The following CLGN variants were observed in gnomAD, a reference collection of about 807,000 sequenced individuals.
CLGN encodes calmegin.
In CLGN, 62 loss-of-function variants were observed where a neutral mutation model predicts 79.1. The observed-to-expected ratio is 0.78, with a 90% CI of 0.64 to 0.97. CLGN has a LOEUF of 0.97. Among genes scored for constraint, CLGN ranks in the 50% least tolerant of loss-of-function variants. The pLI is 0.00. For missense variants in CLGN, 647 were observed against 715.5 expected, an observed-to-expected ratio of 0.90 and a Z score of 1.09; for synonymous variants, 225 against 224.7, an observed-to-expected ratio of 1.00 and a Z score of -0.01.
intron 7 of CLGN, among the ~76,000 whole-genome samples, chr4:140,399,294 A>G (rs979223587): frequency 2.0e-5 from 3 of 152,204 alleles, no homozygotes; most frequent in African/African-American, 4.8e-5. Context: ...ATAATACCAA[A>G]TAGCTCTGTT....
intron 1 of CLGN, among the ~76,000 whole-genome samples, chr4:140,419,732 C>G (rs897247952): frequency 4.6e-5 from 7 of 151,996 alleles, no homozygotes; most frequent in African/African-American, 1.4e-4. Context: ...TATTTATGGA[C>G]AAAGACAAAA....
chr4:140,422,940 T>C (rs1391728900), intron 1 of CLGN, among the ~76,000 whole-genome samples: 1 of 152,222 alleles, frequency 6.6e-6, no homozygotes, highest in Admixed American at 6.5e-5. Flanking sequence ...TCTAACAGAC[T>C]TTTGTATTGT....
chr4:140,391,248 G>C (rs1728765901), intron 13 of CLGN, among the ~76,000 whole-genome samples: 1 of 151,614 alleles, frequency 6.6e-6, no homozygotes, highest in South Asian at 2.1e-4. Flanking sequence ...TTGGGGAAAG[G>C]GAAGTTGAAA....
At position 140,425,876 on chromosome 4, in the gene CLGN, G is replaced by T. The variant is rs182539417; in HGVS notation, c.-10+1661C>A. On this transcript the variant is annotated intron_variant, in intron 1 of 14. Coordinates refer to ENST00000325617, the MANE Select transcript of CLGN (RefSeq NM_004362.3). ...ACTCCTAACCTCAGGTGATCCGCCC[G>T]CCTCGGCCTCCCAAAGTGCTGGGAT... 9.9e-3 allele frequency among the ~76,000 whole-genome samples: 1,501 copies of T among 152,032 alleles called. 16 individuals carry two copies. The highest frequency in any genetic ancestry group is 0.025 in the South Asian group (120 of 4,810).
At position 140,409,914 on chromosome 4, in the gene CLGN, A is replaced by G. The variant is rs373283611; in HGVS notation, c.219-19T>C. 1.9e-6 allele frequency: 3 copies of G among 1,552,918 alleles called. No homozygotes were observed. The highest frequency in any genetic ancestry group is 2.7e-6 in the Non-Finnish European group (3 of 1,130,844). ...GACCCATCTGTAAATAAAGTTGAAC[A>G]TACATATATGTCATTGACAATAAAA... On this transcript the variant is annotated intron_variant, in intron 3 of 14. Coordinates refer to ENST00000325617, the MANE Select transcript of CLGN (RefSeq NM_004362.3).
intron 1 of CLGN, among the ~76,000 whole-genome samples, chr4:140,423,825 AT>A (rs1729514483): frequency 1.3e-5 from 2 of 152,154 alleles, no homozygotes; most frequent in South Asian, 2.1e-4. Context: ...CCTTCAGCGT[AT>A]TCTCTTATAA....
chr4:140,418,190 C>G (rs988621939), intron 1 of CLGN, among the ~76,000 whole-genome samples: 16 of 152,232 alleles, frequency 1.1e-4, no homozygotes, highest in African/African-American at 3.6e-4. Context: ...ACACCTTACA[C>G]AAAAATTAAT....
At chr4:140,392,553 T>C in intron 12 of CLGN, 33 bp downstream of exon 12, 1 of 1,565,816 alleles carries the variant, frequency 6.4e-7, no homozygotes, top group Non-Finnish European at 8.6e-7. Flanking sequence ...GAAATTTGGG[T>C]GAAAAAAGTT....
intron 5 of CLGN, among the ~76,000 whole-genome samples, chr4:140,402,714 GT>G (rs3840293): frequency 0.83 from 126,628 of 151,760 alleles, 52,898 homozygotes; most frequent in African/African-American, 0.85. Flanking sequence ...TCTCAGCAAA[GT>G]TTTTTTTTCT....
At chr4:140,418,008 G>A (rs1456430462) in intron 1 of CLGN, among the ~76,000 whole-genome samples, 2 of 151,216 alleles carry the variant, frequency 1.3e-5, no homozygotes, top group Non-Finnish European at 2.9e-5. Context: ...ACAGAGATAT[G>A]GATCAATGGA....
intron 1 of CLGN, among the ~76,000 whole-genome samples, chr4:140,426,997 TG>T (rs1460226178): frequency 6.6e-6 from 1 of 152,088 alleles, no homozygotes; most frequent in Non-Finnish European, 1.5e-5. Context: ...TCCACATAGG[TG>T]GAGACTGAGA....
Position 140,388,906 on chromosome 4 carries a change from A to G in CLGN, c.*318T>C, listed in dbSNP as rs772314589. 9 of 219,168 alleles carry G rather than the reference A, an allele frequency of 4.1e-5. No individual in the cohort carries two copies. Among genetic ancestry groups the G allele is most frequent in the Non-Finnish European group, 7.2e-5 (8 of 111,084 alleles). 13.6% of individuals were successfully genotyped at this position (219,168 alleles called of 1,614,324 possible). A position where few individuals can be genotyped will look rare whatever the true frequency, so the allele number is the denominator to read the frequency against. ...CCAATAACTGATTTTTCCAATAGCA[A>G]TGAAGCTGCTACATATTATTTTGTT... is the stretch of plus-strand genomic sequence containing the variant. On this transcript the variant is annotated 3_prime_UTR_variant, in exon 15 of 15. Transcript: ENST00000325617.
intron 8 of CLGN, among the ~76,000 whole-genome samples, 176 bp downstream of exon 8, chr4:140,398,675 A>T (rs917235366): frequency 1.3e-5 from 2 of 152,230 alleles, no homozygotes; most frequent in Non-Finnish European, 2.9e-5. Context: ...AAATAAAAAA[A>T]AATTACAGGG....
intron 1 of CLGN, among the ~76,000 whole-genome samples, chr4:140,425,815 G>A (rs1010253168): frequency 6.6e-6 from 1 of 151,644 alleles, no homozygotes; most frequent in Non-Finnish European, 1.5e-5. Context: ...TTTTAGTAGA[G>A]ACGGGGTTTC....
chr4:140,391,682 G>A (rs1728775843), intron 13 of CLGN, among the ~76,000 whole-genome samples: 1 of 151,770 alleles, frequency 6.6e-6, no homozygotes, highest in Non-Finnish European at 1.5e-5. Context: ...GCCACCAAAG[G>A]GTGACTTCAG....
At chr4:140,395,582 A>C (rs1302050596) in intron 10 of CLGN, among the ~76,000 whole-genome samples, 2 of 152,224 alleles carry the variant, frequency 1.3e-5, no homozygotes, top group African/African-American at 4.8e-5. Flanking sequence ...ACTTTATTTC[A>C]AAGTGAGCAT....
Position 140,390,673 on chromosome 4 carries a change from C to T in CLGN, c.1707G>A (p.Gly569=), listed in dbSNP as rs150241035. The T allele has an allele frequency of 1.3e-5, 21 of 1,604,792 alleles. No individual in the cohort carries two copies. In the African/African-American group the frequency reaches 1.6e-4, roughly 12 times the overall value. Residue 569 remains glycine, a synonymous_variant, in exon 14 of 15, where the codon GGG becomes GGA. Coordinates refer to ENST00000325617, the MANE Select transcript of CLGN (RefSeq NM_004362.3). ...TATTTGATTGATTACTTTCTTCTTG[C>T]CCTTCTATGATTTCAATTTCTTCTT... The part of the protein sequence containing the change: ...KSEEEIEIIE[G]QEESNQSNKS...
chr4:140,395,941 C>CCGGCCGGGCGCGGTGG lies in CLGN; in HGVS notation c.1026_1027insCCACCGCGCCCGGCCG (p.Ala343ProfsTer11). The CCGGCCGGGCGCGGTGG allele has an allele frequency of 6.2e-7, 1 of 1,600,016 alleles. No individual in the cohort carries two copies. The highest frequency in any genetic ancestry group is 1.7e-5 in the Admixed American group (1 of 57,160). Reference sequence around the variant, plus strand: ...CATGCTGGATTAAGAATCTGAGGTGCCTCCCATTCTCCATCCGTGTCTTCA... The same window carrying CCGGCCGGGCGCGGTGG: ...CATGCTGGATTAAGAATCTGAGGTGCCGGCCGGGCGCGGTGGCTCCCATTCTCCATCCGTGTCTTCA... On this transcript the variant is annotated frameshift_variant, in exon 10 of 15. Transcript: ENST00000325617. LOFTEE classifies it high-confidence loss of function.
At position 140,400,357 on chromosome 4, in the gene CLGN, C is replaced by T. The variant is rs990554212; in HGVS notation, c.694G>A (p.Val232Met). The T allele has an allele frequency of 6.3e-7, 1 of 1,592,220 alleles. No individual in the cohort carries two copies. The highest frequency in any genetic ancestry group is 8.6e-7 in the Non-Finnish European group (1 of 1,166,192). The stretch of plus-strand genomic sequence containing the variant: ...ACATGAATGAATTAAAAGGGTATAC[C>T]AAGGGTATAAAGATGAGTCTTCCTG... ...TDRKTHLYTL[V>M]MNPDDTFEVL... The change falls in exon 7 of 15, where the codon GTG (valine) becomes ATG (methionine). Residue 232 changes from valine (V) to methionine (M), a missense_variant and splice_region_variant. Transcript: ENST00000325617.
Sources: allele counts gnomAD v4.1 joint callset (sites outside exome capture counted in the v4.1 genomes callset), GRCh38; gene constraint gnomAD v4.1.1; transcripts MANE v1.5; gene names NCBI Gene and HGNC (gene_info 2026-07-23, HGNC 2026-07-21).